The following CELSR1 variants were observed in gnomAD, a reference collection of about 807,000 sequenced individuals.
The protein encoded by CELSR1 is cadherin EGF LAG seven-pass G-type receptor 1, also known as adhesion G protein-coupled receptor C1.
CELSR1 carries 110 observed loss-of-function variants against 249.1 expected under a neutral mutation model. The observed-to-expected ratio is 0.44, with a 90% CI of 0.38 to 0.52. CELSR1 has a LOEUF of 0.52. Among genes scored for constraint, CELSR1 ranks in the 20% least tolerant of loss-of-function variants. CELSR1 has a pLI of 0.00. For missense variants in CELSR1, 4,109 were observed against 4,296.4 expected (o/e 0.96, Z 1.22); for synonymous variants, 2,113 against 1,900.0 (o/e 1.11, Z -2.92).
rs757089521 is a variant in CELSR1, at chr22:46,390,530, T to G, written c.6251-44A>C. On this transcript the variant is annotated intron_variant, in intron 16 of 34. Coordinates refer to ENST00000674500, the MANE Select transcript of CELSR1 (RefSeq NM_001378328.1). The surrounding 1 kb of genome is among the most constrained non-coding windows in gnomAD (Gnocchi z 6.3). ...TGTGCAAAGCCTGAAACTCAAACTG[T>G]TGATCAATGCTTGTGTATTTCAATC... 16 of 1,448,888 alleles carry G rather than the reference T, an allele frequency of 1.1e-5. No homozygotes were observed. The Admixed American group carries it at 2.4e-4, about 22-fold the overall frequency. The allele number at this position is 1,448,888 out of a possible 1,614,324, so 89.8% of individuals were successfully genotyped here. A position where few individuals can be genotyped will look rare whatever the true frequency, so the allele number is the denominator to read the frequency against.
rs1014067274 is a variant in CELSR1, at chr22:46,384,570, C to T, written c.6856G>A (p.Asp2286Asn). ...ELESSVSFPA[D>N]FFRPPEEKEG... is the part of the protein sequence containing the mutation. ...TTTTCTTCAGGTGGTCTGAAGAAGT[C>T]GGCTGGGAAGGAGACGGAGGACTCC... is the stretch of plus-strand genomic sequence containing the variant. The change falls in exon 20 of 35, where the codon GAC becomes AAC. Residue 2286 changes from aspartate (D) to asparagine (N), a missense_variant. Around this residue, in one of 7 missense-constraint regions of CELSR1, gnomAD observed 1,805 missense variants for 1,831.6 expected, o/e 0.99. Coordinates refer to ENST00000674500, the MANE Select transcript of CELSR1 (RefSeq NM_001378328.1). 1.9e-6 allele frequency: 3 copies of T among 1,612,196 alleles called. No homozygotes were observed. Among genetic ancestry groups the T allele is most frequent in the South Asian group, 1.1e-5 (1 of 90,622 alleles).
intron 2 of CELSR1, among the ~76,000 whole-genome samples, chr22:46,450,569 C>A (rs963896909): frequency 6.6e-6 from 1 of 152,238 alleles, no homozygotes; most frequent in South Asian, 2.1e-4. Flanking sequence ...CTGGGTCACA[C>A]AGCTGCATGG....
At position 46,409,808 on chromosome 22, in the gene CELSR1, T is replaced by C; in HGVS notation, c.5006A>G (p.Asn1669Ser). 11 of 1,613,860 alleles carry C rather than the reference T, an allele frequency of 6.8e-6. No individual in the cohort carries two copies. Among genetic ancestry groups the C allele is most frequent in the Non-Finnish European group, 9.3e-6 (11 of 1,179,948 alleles). Residue 1669 changes from asparagine (N) to serine (S), a missense_variant, in exon 8 of 35, where the codon AAT becomes AGT. Physicochemically the swap from Asn to Ser is conservative, Grantham distance 46 (BLOSUM62 1). Coordinates refer to ENST00000674500, the MANE Select transcript of CELSR1 (RefSeq NM_001378328.1). The surrounding 1 kb of genome is among the most constrained non-coding windows in gnomAD (Gnocchi z 9.8). ...QNGGTCVNRW[N>S]MYLCECPLRF... is the part of the protein sequence containing the mutation. ...GAGTGGACACTCACACAGATACATATTCCACCTGTTGACACAGGTGCCTCC... is the reference window on the plus strand; with the variant it reads ...GAGTGGACACTCACACAGATACATACTCCACCTGTTGACACAGGTGCCTCC...
intron 2 of CELSR1, among the ~76,000 whole-genome samples, chr22:46,444,617 TTTTG>T (rs1243553238): frequency 6.6e-6 from 1 of 152,244 alleles, no homozygotes; most frequent in Non-Finnish European, 1.5e-5. Flanking sequence ...TTGCTTTGCT[TTTTG>T]TTTGTTTTCA....
intron 17 of CELSR1, 27 bp from the exon 18 acceptor site, chr22:46,389,526 G>A (rs1403691826): frequency 1.2e-6 from 2 of 1,610,528 alleles, no homozygotes; most frequent in East Asian, 2.2e-5. Context: ...GTCGTGATGT[G>A]TGCAAACCCA....
chr22:46,372,957 T>G lies in CELSR1; in HGVS notation c.7685A>C (p.Glu2562Ala). ...GGGCCCCGTGTCGATGTTGCGCACC[T>G]CGGTCAGCATGCGGTAGACATGCAG... is the stretch of plus-strand genomic sequence containing the variant. ...ESLHVYRMLT[E>A]VRNIDTGPMR... is the part of the protein sequence containing the mutation. Residue 2562 changes from glutamate (E) to alanine (A), a missense_variant, in exon 25 of 35, where the codon GAG (glutamate) becomes GCG (alanine). Around this residue, in one of 7 missense-constraint regions of CELSR1, gnomAD observed 1,805 missense variants for 1,831.6 expected, o/e 0.99. Transcript: ENST00000674500. 6.2e-7 allele frequency: 1 copy of G among 1,613,334 alleles called. No individual in the cohort carries two copies.
intron 1 of CELSR1, among the ~76,000 whole-genome samples, chr22:46,502,033 A>C: frequency 6.6e-6 from 1 of 151,888 alleles, no homozygotes. Flanking sequence ...GGGAGGCCAA[A>C]GTAGGAGTAT....
chr22:46,387,795 C>T (rs1189285838), intron 18 of CELSR1, among the ~76,000 whole-genome samples: 1 of 152,086 alleles, frequency 6.6e-6, no homozygotes, highest in Non-Finnish European at 1.5e-5. Context: ...CCACGTATAC[C>T]CCAAGACGCT....
chr22:46,436,419 A>G lies in CELSR1; in HGVS notation c.4407-130T>C. On this transcript the variant is annotated intron_variant, in intron 3 of 34. Coordinates refer to ENST00000674500, the MANE Select transcript of CELSR1 (RefSeq NM_001378328.1). The surrounding 1 kb of genome is among the most constrained non-coding windows in gnomAD (Gnocchi z 5.9). ...GATTCAGGAAAGAATGGTGTCAGGC[A>G]TGCGTCCTTCTCATAGGAGCAGACA... The G allele has an allele frequency of 3.2e-6, 2 of 633,616 alleles. No individual in the cohort carries two copies. Among genetic ancestry groups the G allele is most frequent in the Admixed American group, 5.3e-5 (2 of 37,674 alleles). The allele number at this position is 633,616 out of a possible 1,614,324, so 39.2% of individuals were successfully genotyped here.
At chr22:46,394,382 G>A in intron 13 of CELSR1, 120 bp from the exon 14 acceptor site, 1 of 1,202,906 alleles carries the variant, frequency 8.3e-7, no homozygotes, top group Non-Finnish European at 1.1e-6. Flanking sequence ...TCCAGCTCTG[G>A]GAGCTTCCCC....
rs2079506535 is a variant in CELSR1, at chr22:46,423,779, C to G, written c.4611+9614G>C. Among the ~76,000 whole-genome samples, 1 of 151,828 alleles carries G rather than the reference C, an allele frequency of 6.6e-6. No homozygotes were observed. Among genetic ancestry groups the G allele is most frequent in the African/African-American group, 2.4e-5 (1 of 41,332 alleles). On this transcript the variant is annotated intron_variant, in intron 5 of 34. Coordinates refer to ENST00000674500, the MANE Select transcript of CELSR1 (RefSeq NM_001378328.1). The surrounding 1 kb of genome is among the most constrained non-coding windows in gnomAD (Gnocchi z 5.6). ...CTGAGGTCAGGAGTTCGAGACCAGC[C>G]TGGCCAACATGGTGAAATCCCATCT... is the stretch of plus-strand genomic sequence containing the variant.
chr22:46,384,256 G>A (rs2079008902), intron 20 of CELSR1, among the ~76,000 whole-genome samples: 1 of 152,294 alleles, frequency 6.6e-6, no homozygotes, highest in African/African-American at 2.4e-5. Flanking sequence ...TTTTTTTATT[G>A]TTTCATGCTT....
In CELSR1 at chr22:46,408,228, C is replaced by G. The variant is rs1371587772; in HGVS notation, c.5226+768G>C. Among the ~76,000 whole-genome samples the G allele has an allele frequency of 2.6e-5, 4 of 152,228 alleles. No individual in the cohort carries two copies. Among genetic ancestry groups the G allele is most frequent in the Non-Finnish European group, 4.4e-5 (3 of 68,036 alleles). On this transcript the variant is annotated intron_variant, in intron 9 of 34. Transcript: ENST00000674500. The surrounding 1 kb of genome is among the most constrained non-coding windows in gnomAD (Gnocchi z 4.6). ...AACGAAACAGTAAAGATCAATAAGA[C>G]AGAGAAAACAGGCAGACAGCGACAG...
At position 46,409,966 on chromosome 22, in the gene CELSR1, C is replaced by T. The variant is rs576778852; in HGVS notation, c.4934-86G>A. On this transcript the variant is annotated intron_variant, in intron 7 of 34. Coordinates refer to ENST00000674500, the MANE Select transcript of CELSR1 (RefSeq NM_001378328.1). This position sits in a 1 kb window ranked among gnomAD's most constrained non-coding sequence, Gnocchi z 9.8. ...CCAGACGTGGCGTGGGAAACCAGGA[C>T]GGAATGGACCCGGGGCTGGACAGAA... 64 of 1,559,708 alleles carry T rather than the reference C, an allele frequency of 4.1e-5. No individual in the cohort carries two copies. In the East Asian group the frequency reaches 6.7e-4, roughly 16 times the overall value.
Position 46,396,703 on chromosome 22 carries a change from G to A in CELSR1, c.5745C>T (p.Pro1915=), listed in dbSNP as rs374025252. ...INCVDACHLN[P]CENMGACVRS... ...GCACGCAGGCCCCCATGTTCTCGCA[G>A]GGGTTCAGGTGACAGGCATCCACAC... Residue 1915 remains proline, a synonymous_variant, in exon 13 of 35, where the codon CCC becomes CCT. Coordinates refer to ENST00000674500, the MANE Select transcript of CELSR1 (RefSeq NM_001378328.1). The surrounding 1 kb of genome is among the most constrained non-coding windows in gnomAD (Gnocchi z 6.4). 6.1e-5 allele frequency: 98 copies of A among 1,612,772 alleles called. 1 individual carries two copies. Among genetic ancestry groups the A allele is most frequent in the Middle Eastern group, 3.3e-4 (2 of 6,082 alleles).
chr22:46,364,577 G>C lies in CELSR1; in HGVS notation c.8714C>G (p.Pro2905Arg), dbSNP rs777761864. ...TGCGCCCCCGCTCTCCTGGTCCGGG[G>C]GGTACTCTCCACGGTGACTGCCCTG... ...EEQGSHRGEY[P>R]PDQESGGAAR... The change falls in exon 33 of 35, where the codon CCC becomes CGC. Residue 2905 changes from proline to arginine, a missense_variant. Pro to Arg is a moderately radical substitution (Grantham distance 103). This residue lies in a region of CELSR1 where 1,805 missense variants were observed against 1,831.6 expected (regional missense o/e 0.99). Coordinates refer to ENST00000674500, the MANE Select transcript of CELSR1 (RefSeq NM_001378328.1). The C allele has an allele frequency of 1.9e-6, 3 of 1,612,468 alleles. No individual in the cohort carries two copies. Among genetic ancestry groups the C allele is most frequent in the South Asian group, 1.1e-5 (1 of 91,074 alleles).
At chr22:46,388,590 C>T (rs1367984056) in intron 18 of CELSR1, among the ~76,000 whole-genome samples, 1 of 151,986 alleles carries the variant, frequency 6.6e-6, no homozygotes, top group Non-Finnish European at 1.5e-5. Context: ...GTGGGAGGGA[C>T]AGGGTGTCCC....
chr22:46,416,895 C>A (rs1393136205), intron 5 of CELSR1, among the ~76,000 whole-genome samples: 7 of 150,030 alleles, frequency 4.7e-5, no homozygotes, highest in Non-Finnish European at 1.0e-4. Flanking sequence ...AGCCTTTTAA[C>A]CTGCTGCAGA....
intron 1 of CELSR1, among the ~76,000 whole-genome samples, chr22:46,525,878 G>A (rs1030875916): frequency 2.6e-5 from 4 of 152,386 alleles, no homozygotes; most frequent in South Asian, 2.1e-4. Context: ...TGGGGCCAGC[G>A]TGGGGTTCTG....
Sources: allele counts gnomAD v4.1 joint callset (sites outside exome capture counted in the v4.1 genomes callset), GRCh38; gene constraint gnomAD v4.1.1; regional missense constraint gnomAD v4.1.1; non-coding constraint Gnocchi (gnomAD v3.1); transcripts MANE v1.5; gene names NCBI Gene and HGNC (gene_info 2026-07-23, HGNC 2026-07-21).